RALGPS1: variants seen among roughly 807,000 people sequenced by gnomAD.
The protein encoded by RALGPS1 is ras-specific guanine nucleotide-releasing factor RalGPS1.
In RALGPS1, 19 loss-of-function variants were observed where a neutral mutation model predicts 78.8. The observed-to-expected ratio is 0.24, with a 90% CI of 0.17 to 0.35. The LOEUF (loss-of-function observed/expected upper bound fraction) is 0.35. RALGPS1 is among the 10% of genes least tolerant of loss of function. RALGPS1 has a pLI of 1.00. For synonymous variants in RALGPS1, 228 were observed against 256.3 expected (o/e 0.89, Z 1.06); for missense variants, 454 against 688.3 (o/e 0.66, Z 3.81).
intron 1 of RALGPS1, among the ~76,000 whole-genome samples, chr9:126,950,599 G>C (rs1333015763): frequency 6.6e-6 from 1 of 151,978 alleles, no homozygotes; most frequent in East Asian, 1.9e-4. Context: ...CAGAAATAAA[G>C]ATGTTCTTTG....
At chr9:126,942,598 A>C (rs139260707) in intron 1 of RALGPS1, among the ~76,000 whole-genome samples, 1 of 152,288 alleles carries the variant, frequency 6.6e-6, no homozygotes, top group East Asian at 1.9e-4. Context: ...TTTGCCATTT[A>C]TCATTGACTG....
intron 8 of RALGPS1, among the ~76,000 whole-genome samples, chr9:127,090,187 C>T (rs1300467448): frequency 6.6e-6 from 1 of 152,170 alleles, no homozygotes; most frequent in African/African-American, 2.4e-5. Flanking sequence ...CTCCTCTTTG[C>T]CAGCGGAGGT....
intron 11 of RALGPS1, among the ~76,000 whole-genome samples, chr9:127,191,874 T>C (rs981485230): frequency 2.0e-5 from 3 of 152,054 alleles, no homozygotes; most frequent in Non-Finnish European, 4.4e-5. Context: ...ATTTTTTGTA[T>C]TTTTAGTAGA....
In RALGPS1 at chr9:126,923,176, A is replaced by G. The variant is rs1279606238; in HGVS notation, c.-66+8201A>G. ...GATCGGAGGTTCTGTCCATTATACA[A>G]TATCTCAACCCTTTACAACACTTAA... On this transcript the variant is annotated intron_variant, in intron 1 of 18. Transcript: ENST00000259351. Among the ~76,000 whole-genome samples, 4 of 152,228 alleles carry G rather than the reference A, an allele frequency of 2.6e-5. No individual in the cohort carries two copies. The East Asian group carries it at 7.7e-4, about 29-fold the overall frequency.
At chr9:127,112,601 C>A (rs1554831087) in intron 8 of RALGPS1, among the ~76,000 whole-genome samples, 10 of 152,254 alleles carry the variant, frequency 6.6e-5, no homozygotes, top group Non-Finnish European at 2.9e-5. Flanking sequence ...AGCTCCCCGA[C>A]AGAGTTCTTG....
intron 1 of RALGPS1, among the ~76,000 whole-genome samples, chr9:126,949,063 G>A (rs1168853738): frequency 6.6e-6 from 1 of 151,988 alleles, no homozygotes; most frequent in Non-Finnish European, 1.5e-5. Context: ...AGAACATGCG[G>A]TGTTTGGTTT....
intron 1 of RALGPS1, among the ~76,000 whole-genome samples, chr9:126,929,996 C>T (rs2035649271): frequency 6.6e-6 from 1 of 151,918 alleles, no homozygotes; most frequent in South Asian, 2.1e-4. Flanking sequence ...CCACTCCTGG[C>T]TTAAAAAATT....
At chr9:127,159,325 C>T (rs1186891551) in intron 8 of RALGPS1, among the ~76,000 whole-genome samples, 2 of 152,258 alleles carry the variant, frequency 1.3e-5, no homozygotes, top group East Asian at 3.9e-4. Context: ...CCTCATTTCA[C>T]CTTGGGGAGC....
At chr9:127,155,787 A>G (rs1588213326) in intron 8 of RALGPS1, among the ~76,000 whole-genome samples, 1 of 152,196 alleles carries the variant, frequency 6.6e-6, no homozygotes, top group African/African-American at 2.4e-5. Flanking sequence ...CTGAAGACCA[A>G]CCAGGGGCTG....
At chr9:127,013,952 T>C (rs2044591892) in intron 4 of RALGPS1, among the ~76,000 whole-genome samples, 1 of 152,234 alleles carries the variant, frequency 6.6e-6, no homozygotes, top group Non-Finnish European at 1.5e-5. Flanking sequence ...TCCTTATGCG[T>C]TCAGCAACAT....
chr9:127,080,123 A>C (rs189691122), intron 8 of RALGPS1, among the ~76,000 whole-genome samples: 13 of 152,294 alleles, frequency 8.5e-5, no homozygotes, highest in African/African-American at 2.6e-4. Context: ...TTGCAGTTCT[A>C]TGAGAAAGAT....
rs2037608373 is a variant in RALGPS1, at chr9:126,949,520, T to C, written c.-65-12705T>C. Among the ~76,000 whole-genome samples, 3 of 152,344 alleles carry C rather than the reference T, an allele frequency of 2.0e-5. No individual in the cohort carries two copies. The South Asian group carries it at 6.2e-4, about 32-fold the overall frequency. On this transcript the variant is annotated intron_variant, in intron 1 of 18. Transcript: ENST00000259351. ...GATTGCCATTCTAACTGGTGTGAGA[T>C]GGTATCTCATTGTGGTTTTGATTTG...
chr9:127,069,573 TA>T lies in RALGPS1; in HGVS notation c.610+221del, dbSNP rs983955010. The T allele has an allele frequency of 1.0e-5, 5 of 482,088 alleles. No individual in the cohort carries two copies. The Admixed American group carries it at 1.1e-4, about 11-fold the overall frequency. 29.9% of individuals were successfully genotyped at this position (482,088 alleles called of 1,614,324 possible). On this transcript the variant is annotated intron_variant, in intron 8 of 18. Transcript: ENST00000259351. ...TACAAGTGATGTTCTGCTTTTTATA[TA>T]AAAGACCTGTGGGCCCCAGGGTTCC...
chr9:127,085,980 C>T (rs557821404), intron 8 of RALGPS1, among the ~76,000 whole-genome samples: 20 of 152,306 alleles, frequency 1.3e-4, no homozygotes, highest in African/African-American at 4.3e-4. Context: ...ACACCCAGCA[C>T]CTTCTGGATT....
intron 1 of RALGPS1, among the ~76,000 whole-genome samples, chr9:126,922,681 C>G (rs913783761): frequency 3.3e-5 from 5 of 152,220 alleles, no homozygotes; most frequent in African/African-American, 1.2e-4. Flanking sequence ...ACAACTCTCT[C>G]ACTGTGTGCC....
chr9:127,062,251 C>G (rs1437018864), intron 7 of RALGPS1, among the ~76,000 whole-genome samples: 1 of 152,114 alleles, frequency 6.6e-6, no homozygotes, highest in Non-Finnish European at 1.5e-5. Context: ...GCGCCCACCA[C>G]CATGCCCGGC....
At position 127,091,638 on chromosome 9, in the gene RALGPS1, C is replaced by G. The variant is rs2789510; in HGVS notation, c.610+22282C>G. On this transcript the variant is annotated intron_variant, in intron 8 of 18. Transcript: ENST00000259351. This position sits in a 1 kb window ranked among gnomAD's most constrained non-coding sequence, Gnocchi z 4.3. ...GCTCTGGTTGACCTCTTTTCCCTACCCTGCACCTGGGTTTGACTCCACTTT... is the reference window on the plus strand; with the variant it reads ...GCTCTGGTTGACCTCTTTTCCCTACGCTGCACCTGGGTTTGACTCCACTTT... The G allele has an allele frequency of 0.027, 44,038 of 1,602,364 alleles. 719 individuals carry two copies. The highest frequency in any genetic ancestry group is 0.059 in the Middle Eastern group (290 of 4,876).
At chr9:126,921,642 T>C (rs1024463467) in intron 1 of RALGPS1, among the ~76,000 whole-genome samples, 2 of 152,138 alleles carry the variant, frequency 1.3e-5, no homozygotes, top group African/African-American at 4.8e-5. Context: ...GACTCTGGAG[T>C]TGGGACACAA....
intron 8 of RALGPS1, among the ~76,000 whole-genome samples, chr9:127,078,218 T>C (rs1407737103): frequency 6.6e-6 from 1 of 152,042 alleles, no homozygotes; most frequent in African/African-American, 2.4e-5. Context: ...TTTTGAAGAG[T>C]GGTTAGCTAC....
Sources: gnomAD v4.1 joint callset for allele counts (sites outside exome capture counted in the v4.1 genomes callset) on GRCh38, gnomAD v4.1.1 for gene constraint, Gnocchi (gnomAD v3.1) non-coding constraint, MANE v1.5 for transcripts, NCBI Gene and HGNC (gene_info 2026-07-23, HGNC 2026-07-21) for gene names.